Variants in DNAI7 observed in about 807,000 individuals in gnomAD.
DNAI7 encodes cancer susceptibility 1.
DNAI7 carries 78 observed loss-of-function variants against 86.6 expected under a neutral mutation model. That is an observed-to-expected ratio of 0.90 (90% CI 0.75 to 1.09). The LOEUF (loss-of-function observed/expected upper bound fraction) is 1.09, where lower values mean the gene tolerates loss of function less well. DNAI7 is among the 50% of genes least tolerant of loss of function. The probability of loss-of-function intolerance (pLI) is 0.00; values close to 1 mark genes in which losing one functional copy is unlikely to be tolerated. For synonymous variants in DNAI7, 274 were observed against 273.0 expected (o/e 1.00, Z -0.04); for missense variants, 753 against 810.2 (o/e 0.93, Z 0.86).
intron 2 of DNAI7, among the ~76,000 whole-genome samples, chr12:25,180,599 C>G (rs1216760139): frequency 6.6e-6 from 1 of 152,062 alleles, no homozygotes; most frequent in Non-Finnish European, 1.5e-5. Flanking sequence ...ATCAATGGAA[C>G]ACAATAGAGA....
At chr12:25,116,441 T>C (rs915663721) in intron 12 of DNAI7, among the ~76,000 whole-genome samples, 1 of 152,226 alleles carries the variant, frequency 6.6e-6, no homozygotes, top group Non-Finnish European at 1.5e-5. Context: ...ACTGAAGTTG[T>C]AGAGTGAAAT....
chr12:25,189,366 C>T (rs545671464), intron 2 of DNAI7, among the ~76,000 whole-genome samples: 1 of 152,230 alleles, frequency 6.6e-6, no homozygotes, highest in South Asian at 2.1e-4. Context: ...ATAAGCCAGG[C>T]GCAGTGACTC....
intron 9 of DNAI7, among the ~76,000 whole-genome samples, chr12:25,138,827 C>G (rs7488357): frequency 0.68 from 102,608 of 149,856 alleles, 39,036 homozygotes; most frequent in East Asian, 0.99. Flanking sequence ...CAAACCCAAA[C>G]AAAGCAGAAG....
At chr12:25,150,101 A>T (rs1307380402) in intron 6 of DNAI7, among the ~76,000 whole-genome samples, 1 of 152,236 alleles carries the variant, frequency 6.6e-6, no homozygotes, top group African/African-American at 2.4e-5. Context: ...ATGATCACTT[A>T]GCAAATCACC....
chr12:25,157,544 T>G (rs1289382961), intron 4 of DNAI7, among the ~76,000 whole-genome samples: 1 of 152,136 alleles, frequency 6.6e-6, no homozygotes, highest in African/African-American at 2.4e-5. Flanking sequence ...TAAAAAAAAG[T>G]TGTTTCTTTA....
At chr12:25,156,478 G>A (rs567334240) in intron 4 of DNAI7, among the ~76,000 whole-genome samples, 8 of 152,280 alleles carry the variant, frequency 5.3e-5, no homozygotes, top group African/African-American at 1.9e-4. Flanking sequence ...ATTTGGGCCT[G>A]GCGTGGTGGC....
chr12:25,111,317 C>A (rs1938769558), intron 14 of DNAI7, among the ~76,000 whole-genome samples: 1 of 152,152 alleles, frequency 6.6e-6, no homozygotes, highest in Non-Finnish European at 1.5e-5. Context: ...GAACTAAAGC[C>A]TTATGACGAA....
At chr12:25,108,225 AATACAATGGGGAAGAAGT>A, downstream of DNAI7, 1 of 708,640 alleles carries the variant, frequency 1.4e-6, no homozygotes, top group Non-Finnish European at 2.3e-6. Flanking sequence ...CCCCAACTAA[AATACAATGGGGAAGAAGT>A]CTGCCTATGA....
At chr12:25,108,172 A>ATGAC (rs1418415997), downstream of DNAI7, 6 of 1,231,302 alleles carry the variant, frequency 4.9e-6, no homozygotes, top group East Asian at 1.2e-4. Flanking sequence ...GGTTCTCAGA[A>ATGAC]TGACTGTAAG....
chr12:25,107,668 C>A, downstream of DNAI7: 1 of 711,812 alleles, frequency 1.4e-6, no homozygotes, highest in Non-Finnish European at 2.3e-6. Context: ...AGATTGTTTC[C>A]AAAACCAAAA....
rs764348098 is a variant in DNAI7, at chr12:25,121,889, G to T, written c.1103C>A (p.Ser368Tyr). ...SAAQLLLVEN[S>Y]SEKPDFFEDN... Reference sequence around the variant, plus strand: ...TTCAAAGAAATCTGGCTTTTCAGAAGAATTCTCTACCAGCAACAACTGTGC... The same window carrying T: ...TTCAAAGAAATCTGGCTTTTCAGAATAATTCTCTACCAGCAACAACTGTGC... Residue 368 changes from serine (S) to tyrosine (Y), a missense_variant, in exon 11 of 16, where the codon TCT becomes TAT. Physicochemically the swap from Ser to Tyr is moderately radical, Grantham distance 144. Transcript: ENST00000395987. 6.3e-7 allele frequency: 1 copy of T among 1,589,550 alleles called. No individual in the cohort carries two copies. Among genetic ancestry groups the T allele is most frequent in the Admixed American group, 1.9e-5 (1 of 51,448 alleles).
At chr12:25,111,686 GTATATAA>G (rs1454509560) in intron 14 of DNAI7, 79 bp downstream of exon 14, 1 of 672,986 alleles carries the variant, frequency 1.5e-6, no homozygotes, top group Non-Finnish European at 2.2e-6. Flanking sequence ...AAAATACAGT[GTATATAA>G]TATTAAATTA....
intron 13 of DNAI7, among the ~76,000 whole-genome samples, chr12:25,114,341 C>A (rs565931884): frequency 2.0e-5 from 3 of 152,186 alleles, no homozygotes; most frequent in Non-Finnish European, 4.4e-5. Context: ...TCACGTAGCC[C>A]CTTTAGGGTG....
chr12:25,116,896 T>A (rs1450981542), intron 12 of DNAI7, among the ~76,000 whole-genome samples: 1 of 152,188 alleles, frequency 6.6e-6, no homozygotes, highest in Non-Finnish European at 1.5e-5. Flanking sequence ...TGTTGATGTA[T>A]TTTATAGTTT....
At chr12:25,146,229 A>AAAAAG (rs949667337) in intron 8 of DNAI7, among the ~76,000 whole-genome samples, 1 of 150,966 alleles carries the variant, frequency 6.6e-6, no homozygotes, top group Non-Finnish European at 1.5e-5. Context: ...TCTCAAAAAA[A>AAAAAG]AAAAGAAAAG....
intron 2 of DNAI7, among the ~76,000 whole-genome samples, chr12:25,183,885 T>G (rs1949788779): frequency 6.6e-6 from 1 of 152,206 alleles, no homozygotes; most frequent in Non-Finnish European, 1.5e-5. Flanking sequence ...TATTATTTCT[T>G]GGTAACTTTT....
At position 25,169,953 on chromosome 12, in the gene DNAI7, T is replaced by C. The variant is rs549727853; in HGVS notation, c.22-8756A>G. ...GGGGATTCATCTAACACATAAGGAC[T>C]CACATAAAGTAAAGGGGTGGAAAAG... On this transcript the variant is annotated intron_variant, in intron 2 of 15. Transcript: ENST00000395987. Among the ~76,000 whole-genome samples the C allele has an allele frequency of 1.5e-3, 229 of 151,872 alleles. 1 individual carries two copies. Among genetic ancestry groups the C allele is most frequent in the African/African-American group, 5.1e-3 (210 of 41,394 alleles).
intron 13 of DNAI7, among the ~76,000 whole-genome samples, chr12:25,112,199 T>C (rs1938988734): frequency 1.3e-5 from 2 of 152,172 alleles, no homozygotes. Context: ...CTCTCAAGCC[T>C]CCTATTTTAG....
chr12:25,107,861 T>A (rs1445140674), downstream of DNAI7: 4 of 1,613,930 alleles, frequency 2.5e-6, no homozygotes, highest in Non-Finnish European at 3.4e-6. Flanking sequence ...AAGTCCTCCA[T>A]CAGAAAGGCT....
Sources: gnomAD v4.1 joint callset for allele counts (sites outside exome capture counted in the v4.1 genomes callset) on GRCh38, gnomAD v4.1.1 for gene constraint, MANE v1.5 for transcripts, NCBI Gene and HGNC (gene_info 2026-07-23, HGNC 2026-07-21) for gene names.